Variants in DSCAM observed in about 807,000 individuals in gnomAD.
DSCAM encodes the protein cell adhesion molecule DSCAM.
In DSCAM, 47 loss-of-function variants were observed where a neutral mutation model predicts 217.7. That is an observed-to-expected ratio of 0.22 (90% CI 0.17 to 0.28). The LOEUF is 0.28. DSCAM is among the 10% of genes least tolerant of loss of function. The pLI is 1.00. For missense variants in DSCAM, 2,080 were observed against 2,618.3 expected (o/e 0.79, Z 4.49); for synonymous variants, 1,056 against 1,015.3 (o/e 1.04, Z -0.76).
intron 4 of DSCAM, among the ~76,000 whole-genome samples, chr21:40,368,065 C>T (rs2837583): frequency 0.15 from 22,903 of 152,106 alleles, 2,349 homozygotes; most frequent in Admixed American, 0.26. Flanking sequence ...AACAGAAAGA[C>T]GGGCTCTTAG....
At chr21:40,720,068 C>T (rs894864428) in intron 1 of DSCAM, among the ~76,000 whole-genome samples, 27 of 152,212 alleles carry the variant, frequency 1.8e-4, no homozygotes, top group African/African-American at 6.5e-4. Context: ...GTTTTCAACA[C>T]TGTCAATTGC....
At chr21:40,516,253 C>T (rs1168724334) in intron 3 of DSCAM, among the ~76,000 whole-genome samples, 1 of 152,130 alleles carries the variant, frequency 6.6e-6, no homozygotes, top group African/African-American at 2.4e-5. Context: ...AATTCTAACT[C>T]TAAACTATGT....
At chr21:40,415,182 T>C (rs976778739) in intron 3 of DSCAM, among the ~76,000 whole-genome samples, 4 of 152,224 alleles carry the variant, frequency 2.6e-5, no homozygotes, top group African/African-American at 4.8e-5. Flanking sequence ...TGATTTTTTC[T>C]AACAAAGCTC....
At chr21:40,695,379 C>G (rs2090584921) in intron 2 of DSCAM, among the ~76,000 whole-genome samples, 1 of 152,160 alleles carries the variant, frequency 6.6e-6, no homozygotes, top group Non-Finnish European at 1.5e-5. Context: ...AGTCCCAGCA[C>G]TTACCCACAT....
chr21:40,806,434 C>T (rs1479739556), intron 1 of DSCAM, among the ~76,000 whole-genome samples: 1 of 152,136 alleles, frequency 6.6e-6, no homozygotes, highest in Non-Finnish European at 1.5e-5. Context: ...TTTTAAAGTT[C>T]CAGTCTAGCT....
chr21:40,108,805 T>C (rs970882064), intron 20 of DSCAM, among the ~76,000 whole-genome samples: 1 of 152,050 alleles, frequency 6.6e-6, no homozygotes, highest in Non-Finnish European at 1.5e-5. Flanking sequence ...AACAGACACA[T>C]AGACCAATGG....
At chr21:40,282,445 G>T (rs2073773728) in intron 10 of DSCAM, among the ~76,000 whole-genome samples, 1 of 151,478 alleles carries the variant, frequency 6.6e-6, no homozygotes, top group Non-Finnish European at 1.5e-5. Flanking sequence ...AAAAAAATTA[G>T]CCGGGCGTGG....
intron 11 of DSCAM, among the ~76,000 whole-genome samples, chr21:40,192,803 T>C (rs968225831): frequency 6.6e-6 from 1 of 152,216 alleles, no homozygotes; most frequent in Non-Finnish European, 1.5e-5. Context: ...ATACTGCATT[T>C]TTTTAAATCC....
chr21:40,415,708 T>C (rs1479223529), intron 3 of DSCAM, among the ~76,000 whole-genome samples: 5 of 152,154 alleles, frequency 3.3e-5, no homozygotes, highest in Admixed American at 2.6e-4. Flanking sequence ...GCAAGGTAAT[T>C]GCTGTGAGGC....
intron 1 of DSCAM, among the ~76,000 whole-genome samples, chr21:40,776,535 G>T (rs2091490107): frequency 1.3e-5 from 2 of 152,176 alleles, no homozygotes; most frequent in Non-Finnish European, 2.9e-5. Flanking sequence ...AGCAGGGGTT[G>T]TGAGGGCCAG....
intron 3 of DSCAM, among the ~76,000 whole-genome samples, chr21:40,400,838 C>G (rs2075227212): frequency 6.6e-6 from 1 of 152,236 alleles, no homozygotes; most frequent in African/African-American, 2.4e-5. Flanking sequence ...TTTGTAACAT[C>G]ATGCATTAGT....
chr21:40,597,962 C>T (rs77128078), intron 3 of DSCAM, among the ~76,000 whole-genome samples: 2,527 of 152,180 alleles, frequency 0.017, 62 homozygotes, highest in African/African-American at 0.058. Context: ...AACTAAAGGC[C>T]GCGATTTACA....
At chr21:40,490,837 G>A (rs1205902827) in intron 3 of DSCAM, among the ~76,000 whole-genome samples, 1 of 152,152 alleles carries the variant, frequency 6.6e-6, no homozygotes, top group Non-Finnish European at 1.5e-5. Context: ...TGTCACTGGG[G>A]ATTTTTGCTG....
chr21:40,531,058 T>C (rs1330599324), intron 3 of DSCAM, among the ~76,000 whole-genome samples: 1 of 152,156 alleles, frequency 6.6e-6, no homozygotes, highest in Non-Finnish European at 1.5e-5. Flanking sequence ...CCCACGACTA[T>C]TTTCCACACC....
At chr21:40,632,065 T>C (rs1372660916) in intron 3 of DSCAM, among the ~76,000 whole-genome samples, 3 of 152,196 alleles carry the variant, frequency 2.0e-5, no homozygotes, top group Non-Finnish European at 4.4e-5. Flanking sequence ...GAGGGCATCC[T>C]TTTACAGCTC....
chr21:40,769,119 C>G (rs899793311), intron 1 of DSCAM, among the ~76,000 whole-genome samples: 2 of 118,496 alleles, frequency 1.7e-5, no homozygotes, highest in Admixed American at 7.5e-5. Context: ...CAACCCTCTG[C>G]TCTCACTTCC....
intron 11 of DSCAM, 126 bp downstream of exon 11, chr21:40,275,971 T>C: frequency 9.9e-7 from 1 of 1,008,168 alleles, no homozygotes; most frequent in Admixed American, 2.9e-5. Flanking sequence ...AACCCAGCTA[T>C]ATCACACCAA....
intron 3 of DSCAM, among the ~76,000 whole-genome samples, chr21:40,648,048 CAAAT>C (rs997451329): frequency 2.0e-4 from 31 of 152,082 alleles, no homozygotes; most frequent in African/African-American, 4.3e-4. Context: ...AGCAAGAAAA[CAAAT>C]AAATAGAGAA....
At chr21:40,309,046 C>T (rs1411536773) in intron 9 of DSCAM, among the ~76,000 whole-genome samples, 1 of 152,034 alleles carries the variant, frequency 6.6e-6, no homozygotes, top group Non-Finnish European at 1.5e-5. Flanking sequence ...TTTTTTTCCT[C>T]TCTACTGGCT....
Sources: gnomAD v4.1 joint callset for allele counts (sites outside exome capture counted in the v4.1 genomes callset) on GRCh38, gnomAD v4.1.1 for gene constraint, MANE v1.5 for transcripts, NCBI Gene and HGNC (gene_info 2026-07-23, HGNC 2026-07-21) for gene names.